The following MDGA2 variants were observed in gnomAD, a reference collection of about 807,000 sequenced individuals.
MDGA2 encodes the protein MAM domain containing glycosylphosphatidylinositol anchor 2, also known as MAM domain-containing glycosylphosphatidylinositol anchor protein 2.
A neutral mutation model predicts 117.8 loss-of-function variants in MDGA2; 40 were observed. The observed-to-expected ratio is 0.34, with a 90% CI of 0.26 to 0.44. The LOEUF is 0.44. Ranked by LOEUF, MDGA2 falls within the 20% of genes least tolerant of loss-of-function variation. The pLI, the probability that MDGA2 is intolerant of heterozygous loss-of-function variation, is 1.00. For synonymous variants in MDGA2, 452 were observed against 439.0 expected, an observed-to-expected ratio of 1.03 and a Z score of -0.37; for missense variants, 1,123 against 1,250.6, an observed-to-expected ratio of 0.90 and a Z score of 1.54.
chr14:47,122,186 C>T (rs199501805), intron 5 of MDGA2, among the ~76,000 whole-genome samples: 2 of 152,018 alleles, frequency 1.3e-5, no homozygotes, highest in East Asian at 3.9e-4. Flanking sequence ...ACCTCATAAA[C>T]ATGATTTAGC....
intron 1 of MDGA2, among the ~76,000 whole-genome samples, chr14:47,400,583 G>C (rs1892113936): frequency 6.6e-6 from 1 of 151,078 alleles, no homozygotes. Flanking sequence ...AGTGGTAGGA[G>C]GCTGAGGCAG....
chr14:47,588,301 A>T (rs568943730), intron 1 of MDGA2, among the ~76,000 whole-genome samples: 1 of 148,532 alleles, frequency 6.7e-6, no homozygotes, highest in African/African-American at 2.5e-5. Flanking sequence ...TTGGTGGCTC[A>T]TAAGTAATTT....
At chr14:47,656,151 C>T (rs1897739497) in intron 1 of MDGA2, among the ~76,000 whole-genome samples, 1 of 152,150 alleles carries the variant, frequency 6.6e-6, no homozygotes, top group Admixed American at 6.6e-5. Context: ...TAGGTTTTGT[C>T]AGCCAAGTCA....
intron 9 of MDGA2, among the ~76,000 whole-genome samples, chr14:46,930,734 A>G (rs1239740703): frequency 1.3e-5 from 2 of 152,160 alleles, no homozygotes; most frequent in Non-Finnish European, 2.9e-5. Context: ...TACTAAATAC[A>G]ATACCTCCAT....
At chr14:46,872,870 A>T (rs1385817537) in intron 14 of MDGA2, among the ~76,000 whole-genome samples, 1 of 151,852 alleles carries the variant, frequency 6.6e-6, no homozygotes, top group Non-Finnish European at 1.5e-5. Flanking sequence ...TGTGCATCTG[A>T]TCTTATCCTC....
chr14:47,401,776 A>C (rs942699663), intron 1 of MDGA2, among the ~76,000 whole-genome samples: 1 of 152,130 alleles, frequency 6.6e-6, no homozygotes, highest in African/African-American at 2.4e-5. Flanking sequence ...TCTTATGGAA[A>C]CCCCATGCCA....
intron 1 of MDGA2, among the ~76,000 whole-genome samples, chr14:47,397,064 A>G (rs1446809339): frequency 6.6e-6 from 1 of 152,216 alleles, no homozygotes; most frequent in African/African-American, 2.4e-5. Context: ...CACAATAGCA[A>G]AGACTTGGAA....
chr14:46,843,684 G>A (rs1381123547), intron 16 of MDGA2, among the ~76,000 whole-genome samples: 1 of 151,976 alleles, frequency 6.6e-6, no homozygotes, highest in Non-Finnish European at 1.5e-5. Flanking sequence ...CAATACTTAA[G>A]AATTGAGTCA....
chr14:46,985,335 T>A (rs1444043810), intron 8 of MDGA2, among the ~76,000 whole-genome samples: 12 of 152,066 alleles, frequency 7.9e-5, no homozygotes, highest in African/African-American at 2.7e-4. Flanking sequence ...ATTTGTTTCA[T>A]CTGTGTAAGG....
intron 1 of MDGA2, among the ~76,000 whole-genome samples, chr14:47,310,085 T>C (rs916714002): frequency 2.0e-5 from 3 of 152,132 alleles, no homozygotes; most frequent in Admixed American, 2.0e-4. Context: ...AACAAAGCAA[T>C]ATCAATTCTA....
chr14:47,544,549 T>C (rs1191802133), intron 1 of MDGA2, among the ~76,000 whole-genome samples: 1 of 152,178 alleles, frequency 6.6e-6, no homozygotes, highest in Non-Finnish European at 1.5e-5. Context: ...CTATGCTGTT[T>C]GTTTTTTTGT....
chr14:47,601,784 C>G (rs1896653286), intron 1 of MDGA2, among the ~76,000 whole-genome samples: 1 of 152,108 alleles, frequency 6.6e-6, no homozygotes, highest in Non-Finnish European at 1.5e-5. Context: ...GTGTTTAGAT[C>G]TGTTAGCCCA....
At chr14:47,332,531 T>C (rs1410370716) in intron 1 of MDGA2, among the ~76,000 whole-genome samples, 2 of 150,636 alleles carry the variant, frequency 1.3e-5, no homozygotes, top group Non-Finnish European at 3.0e-5. Flanking sequence ...CAAGTCCTAT[T>C]GAAAGAAAAA....
At chr14:47,649,992 A>C (rs944932179) in intron 1 of MDGA2, among the ~76,000 whole-genome samples, 1 of 152,114 alleles carries the variant, frequency 6.6e-6, no homozygotes, top group African/African-American at 2.4e-5. Flanking sequence ...AAGTGCTTCT[A>C]TGAGGATGCT....
At chr14:47,440,001 G>A (rs559958961) in intron 1 of MDGA2, among the ~76,000 whole-genome samples, 16 of 151,984 alleles carry the variant, frequency 1.1e-4, no homozygotes, top group Admixed American at 3.9e-4. Flanking sequence ...GCCTGCACCT[G>A]GTGTGCACTG....
chr14:47,465,576 A>G (rs1430314453), intron 1 of MDGA2, among the ~76,000 whole-genome samples: 1 of 152,214 alleles, frequency 6.6e-6, no homozygotes. Flanking sequence ...AGCATATGAA[A>G]AAAAGCTCAT....
At chr14:47,138,168 A>G (rs927332104) in intron 4 of MDGA2, among the ~76,000 whole-genome samples, 3 of 152,168 alleles carry the variant, frequency 2.0e-5, no homozygotes, top group Non-Finnish European at 4.4e-5. Context: ...TGTGATAATG[A>G]GTATAATTTA....
At chr14:46,950,732 T>A (rs1885341814) in intron 9 of MDGA2, among the ~76,000 whole-genome samples, 1 of 151,914 alleles carries the variant, frequency 6.6e-6, no homozygotes, top group Non-Finnish European at 1.5e-5. Flanking sequence ...TATTAATGAT[T>A]TTTAACAATA....
At chr14:47,140,925 A>C (rs1882690161) in intron 4 of MDGA2, among the ~76,000 whole-genome samples, 1 of 152,164 alleles carries the variant, frequency 6.6e-6, no homozygotes, top group Non-Finnish European at 1.5e-5. Context: ...GTTAATATCT[A>C]GAAAATACAC....
Sources: allele counts gnomAD v4.1 joint callset (sites outside exome capture counted in the v4.1 genomes callset), GRCh38; gene constraint gnomAD v4.1.1; transcripts MANE v1.5; gene names NCBI Gene and HGNC (gene_info 2026-07-23, HGNC 2026-07-21).